Variants in RABL3 observed in about 807,000 individuals in gnomAD.
RABL3 encodes the protein RAB, member of RAS oncogene family like 3.
In RABL3, 31 loss-of-function variants were observed where a neutral mutation model predicts 31.8. That is an observed-to-expected ratio of 0.97 (90% CI 0.73 to 1.31). The LOEUF (loss-of-function observed/expected upper bound fraction) is 1.31. Among genes scored for constraint, RABL3 ranks in the 40% most tolerant of loss-of-function variants. The pLI is 0.00. For missense variants in RABL3, 263 were observed against 279.6 expected (o/e 0.94, Z 0.42); for synonymous variants, 97 against 99.9 (o/e 0.97, Z 0.18).
rs2107580935 is a variant in RABL3, at chr3:120,706,122, A to C, written c.269-8T>G. 4 of 1,521,818 alleles carry C rather than the reference A, an allele frequency of 2.6e-6. No individual in the cohort carries two copies. Among genetic ancestry groups the C allele is most frequent in the Non-Finnish European group, 3.6e-6 (4 of 1,096,268 alleles). 94.3% of individuals were successfully genotyped at this position (1,521,818 alleles called of 1,614,324 possible). On this transcript the variant is annotated splice_region_variant and splice_polypyrimidine_tract_variant and intron_variant, in intron 3 of 7. Transcript: ENST00000273375. ...CGTGTACGAAAATAATACCTAAAATAATCAGAGAAAACAATGTTAATCCCT... is the reference window on the plus strand; with the variant it reads ...CGTGTACGAAAATAATACCTAAAATCATCAGAGAAAACAATGTTAATCCCT...
chr3:120,722,581 CTCTT>C (rs1708759914), intron 2 of RABL3: 1 of 152,092 alleles, frequency 6.6e-6, no homozygotes, highest in South Asian at 2.1e-4. Context: ...TCTATGTGTC[CTCTT>C]TCTAACACTT....
chr3:120,720,286 C>T (rs578035273), intron 2 of RABL3, among the ~76,000 whole-genome samples: 25 of 152,342 alleles, frequency 1.6e-4, no homozygotes, highest in Non-Finnish European at 3.1e-4. Flanking sequence ...GCCTCTCCTC[C>T]TCCAAAGGAA....
chr3:120,712,181 T>C (rs1708620049), intron 2 of RABL3, among the ~76,000 whole-genome samples: 1 of 152,154 alleles, frequency 6.6e-6, no homozygotes, highest in Admixed American at 6.5e-5. Flanking sequence ...TAAATAAATA[T>C]GCTACTCTAT....
At chr3:120,699,687 C>A (rs1708474599) in intron 4 of RABL3, among the ~76,000 whole-genome samples, 1 of 152,120 alleles carries the variant, frequency 6.6e-6, no homozygotes, top group Admixed American at 6.5e-5. Flanking sequence ...GGCAAAGTTA[C>A]TAAGTATTTA....
chr3:120,738,092 C>G (rs1034766560), intron 1 of RABL3, among the ~76,000 whole-genome samples: 5 of 152,204 alleles, frequency 3.3e-5, no homozygotes, highest in Non-Finnish European at 5.9e-5. Flanking sequence ...AGGCTATGCC[C>G]TGCCCTCCGA....
intron 2 of RABL3, among the ~76,000 whole-genome samples, chr3:120,725,981 A>T (rs903110620): frequency 1.6e-4 from 25 of 152,190 alleles, no homozygotes; most frequent in Non-Finnish European, 2.4e-4. Context: ...AATTAAAAAA[A>T]TTTTTTAACA....
intron 4 of RABL3, among the ~76,000 whole-genome samples, chr3:120,704,187 T>A (rs774863863): frequency 2.0e-5 from 3 of 152,054 alleles, no homozygotes; most frequent in African/African-American, 4.8e-5. Context: ...CAGCAACACA[T>A]AAAATGAATA....
At position 120,685,385 on chromosome 3, in the gene RABL3, C is replaced by T. The variant is rs1708297144; in HGVS notation, c.*4438G>A. 6.6e-6 allele frequency among the ~76,000 whole-genome samples: 1 copy of T among 152,088 alleles called. No individual in the cohort carries two copies. Among genetic ancestry groups the T allele is most frequent in the African/African-American group, 2.4e-5 (1 of 41,400 alleles). The stretch of plus-strand genomic sequence containing the variant: ...GGAGTTTAGGGGTTCCATTCTTTGT[C>T]ATTAGTTATTGATGACCTCGGTAAA... On this transcript the variant is annotated 3_prime_UTR_variant, in exon 8 of 8. Coordinates refer to ENST00000273375, the MANE Select transcript of RABL3 (RefSeq NM_173825.5).
chr3:120,699,931 T>C (rs1473840863), intron 4 of RABL3, among the ~76,000 whole-genome samples: 1 of 152,182 alleles, frequency 6.6e-6, no homozygotes, highest in African/African-American at 2.4e-5. Context: ...TGAGAGTGTC[T>C]TTCCTTTAGG....
intron 3 of RABL3, among the ~76,000 whole-genome samples, chr3:120,708,507 A>G (rs1278570754): frequency 6.6e-6 from 1 of 151,990 alleles, no homozygotes; most frequent in Non-Finnish European, 1.5e-5. Flanking sequence ...GGTGTTATAT[A>G]TTCAGACTTC....
chr3:120,731,915 C>T (rs770183661), intron 1 of RABL3, among the ~76,000 whole-genome samples: 1 of 151,958 alleles, frequency 6.6e-6, no homozygotes, highest in Admixed American at 6.6e-5. Flanking sequence ...AGAAATTAGC[C>T]AGGCATGGTG....
At chr3:120,737,424 C>G (rs1708982931) in intron 1 of RABL3, among the ~76,000 whole-genome samples, 1 of 152,226 alleles carries the variant, frequency 6.6e-6, no homozygotes, top group Non-Finnish European at 1.5e-5. Flanking sequence ...AGCCATTCAG[C>G]TAATCTTTTT....
chr3:120,716,825 C>A (rs1469557800), intron 2 of RABL3, among the ~76,000 whole-genome samples: 1 of 152,176 alleles, frequency 6.6e-6, no homozygotes, highest in African/African-American at 2.4e-5. Flanking sequence ...TTTAGTTATT[C>A]TTTCTATAGA....
At chr3:120,707,648 A>G (rs1432675474) in intron 3 of RABL3, among the ~76,000 whole-genome samples, 1 of 152,020 alleles carries the variant, frequency 6.6e-6, no homozygotes, top group African/African-American at 2.4e-5. Flanking sequence ...ACTGGCATAT[A>G]TTTTCTCCCT....
chr3:120,738,295 C>G (rs1576350786), intron 1 of RABL3, among the ~76,000 whole-genome samples: 1 of 152,366 alleles, frequency 6.6e-6, no homozygotes, highest in East Asian at 1.9e-4. Context: ...GTGGCACCCT[C>G]TGAGCCAGGT....
intron 6 of RABL3, among the ~76,000 whole-genome samples, chr3:120,693,631 C>T (rs1708404467): frequency 7.0e-6 from 1 of 141,970 alleles, no homozygotes; most frequent in East Asian, 2.0e-4. Flanking sequence ...ATTTTCCTTC[C>T]AGCTGAGGAC....
At chr3:120,737,711 T>C (rs753819773) in intron 1 of RABL3, among the ~76,000 whole-genome samples, 18 of 152,236 alleles carry the variant, frequency 1.2e-4, no homozygotes, top group Non-Finnish European at 2.1e-4. Flanking sequence ...GTTGTGGATG[T>C]CCTTTCTGTT....
intron 6 of RABL3, among the ~76,000 whole-genome samples, chr3:120,693,029 T>C (rs1406794446): frequency 1.3e-5 from 2 of 152,174 alleles, no homozygotes; most frequent in Admixed American, 6.5e-5. Flanking sequence ...TTTCATGTCA[T>C]GGCACACGTA....
intron 1 of RABL3, among the ~76,000 whole-genome samples, chr3:120,734,809 T>G (rs1045182534): frequency 1.3e-5 from 2 of 152,180 alleles, no homozygotes; most frequent in African/African-American, 4.8e-5. Context: ...AATCATGTGG[T>G]TTTTGTCTTT....
Sources: allele counts gnomAD v4.1 joint callset (sites outside exome capture counted in the v4.1 genomes callset), GRCh38; gene constraint gnomAD v4.1.1; transcripts MANE v1.5; gene names NCBI Gene and HGNC (gene_info 2026-07-23, HGNC 2026-07-21).